AFF3: variants seen among roughly 807,000 people sequenced by gnomAD.
The protein encoded by AFF3 is AF4/FMR2 family member 3.
AFF3 carries 32 observed loss-of-function variants against 129.7 expected under a neutral mutation model. The observed-to-expected ratio is 0.25, with a 90% confidence interval of 0.19 to 0.33. The LOEUF is 0.33. Among genes scored for constraint, AFF3 ranks in the 10% least tolerant of loss-of-function variants. The pLI is 1.00. For missense variants in AFF3, 1,373 were observed against 1,592.0 expected (o/e 0.86, Z 2.34); for synonymous variants, 644 against 635.4 (o/e 1.01, Z -0.20).
intron 7 of AFF3, among the ~76,000 whole-genome samples, chr2:100,005,907 A>G (rs1681930165): frequency 6.6e-6 from 1 of 152,240 alleles, no homozygotes; most frequent in African/African-American, 2.4e-5. Context: ...TGTTAAAAAG[A>G]GAAAAAACTG....
intron 17 of AFF3, among the ~76,000 whole-genome samples, chr2:99,578,808 G>C (rs1208775711): frequency 6.6e-6 from 1 of 152,216 alleles, no homozygotes; most frequent in Non-Finnish European, 1.5e-5. Context: ...CAGTCCGCTA[G>C]ACTGGAGGCT....
At chr2:99,975,449 A>G (rs1331018052) in intron 7 of AFF3, among the ~76,000 whole-genome samples, 1 of 152,222 alleles carries the variant, frequency 6.6e-6, no homozygotes, top group Non-Finnish European at 1.5e-5. Flanking sequence ...ATGGGTGCCA[A>G]CATTCTATGT....
chr2:99,613,816 T>A (rs1681163542), intron 13 of AFF3, among the ~76,000 whole-genome samples: 1 of 152,246 alleles, frequency 6.6e-6, no homozygotes, highest in Admixed American at 6.5e-5. Flanking sequence ...CAGGCGATCA[T>A]CCTTGTTATG....
At chr2:99,785,699 T>C (rs908078374) in intron 8 of AFF3, among the ~76,000 whole-genome samples, 6 of 152,226 alleles carry the variant, frequency 3.9e-5, no homozygotes, top group Admixed American at 2.0e-4. Flanking sequence ...ACTTTTCACA[T>C]ACACTCAAGA....
chr2:100,082,765 A>G (rs1477242776), intron 4 of AFF3, among the ~76,000 whole-genome samples: 1 of 152,190 alleles, frequency 6.6e-6, no homozygotes, highest in Non-Finnish European at 1.5e-5. Context: ...CCCTTGGGAC[A>G]TAGTGTGATA....
At chr2:100,081,087 C>G (rs1356286893) in intron 4 of AFF3, among the ~76,000 whole-genome samples, 2 of 151,868 alleles carry the variant, frequency 1.3e-5, no homozygotes, top group African/African-American at 4.8e-5. Flanking sequence ...GCCCACAGTC[C>G]ACAAGTGGAA....
intron 4 of AFF3, among the ~76,000 whole-genome samples, chr2:100,059,885 AAC>A (rs1687116582): frequency 6.6e-6 from 1 of 152,220 alleles, no homozygotes; most frequent in African/African-American, 2.4e-5. Flanking sequence ...TCTGGCATGA[AAC>A]ACAGCAGGAT....
At chr2:99,563,470 G>A (rs756082704) in intron 20 of AFF3, among the ~76,000 whole-genome samples, 7 of 151,394 alleles carry the variant, frequency 4.6e-5, no homozygotes, top group South Asian at 2.1e-4. Context: ...GATTACAGGC[G>A]TGAGCCACCG....
In AFF3 at chr2:99,554,471, C is replaced by T. The variant is rs371101321; in HGVS notation, c.3399G>A (p.Gln1133=). Residue 1133 remains glutamine (Q), a synonymous_variant, in exon 24 of 25, where the codon CAG becomes CAA. Transcript: ENST00000672756. Reference sequence around the variant, plus strand: ...GGGCGCTGGCGTTGGAGAGGCTGCCCTGAGACCCCACGGAGCTGGCGGGAG... The same window carrying T: ...GGGCGCTGGCGTTGGAGAGGCTGCCTTGAGACCCCACGGAGCTGGCGGGAG... The part of the protein sequence containing the change: ...NPSPASSVGS[Q]GSLSNASALS... 4.3e-6 allele frequency: 7 copies of T among 1,613,904 alleles called. No individual in the cohort carries two copies. The highest frequency in any genetic ancestry group is 5.9e-6 in the Non-Finnish European group (7 of 1,180,034).
intron 10 of AFF3, among the ~76,000 whole-genome samples, chr2:99,735,415 GTTTTGGGTTTA>G (rs1273359550): frequency 6.7e-6 from 1 of 149,848 alleles, no homozygotes. Flanking sequence ...TTTTCCATTT[GTTTTGGGTTTA>G]TTTTCTCTTC....
chr2:100,115,612 A>G (rs1691704702), intron 2 of AFF3, among the ~76,000 whole-genome samples: 1 of 152,112 alleles, frequency 6.6e-6, no homozygotes, highest in Non-Finnish European at 1.5e-5. Flanking sequence ...GGTATTCCTT[A>G]TTTGTTCATC....
intron 12 of AFF3, among the ~76,000 whole-genome samples, chr2:99,658,353 A>C (rs1297885641): frequency 6.6e-6 from 1 of 152,006 alleles, no homozygotes; most frequent in Non-Finnish European, 1.5e-5. Flanking sequence ...CTGAAGTGGG[A>C]GGATGATGGC....
intron 7 of AFF3, among the ~76,000 whole-genome samples, chr2:99,878,459 TC>T (rs1576257390): frequency 6.6e-6 from 1 of 152,296 alleles, no homozygotes; most frequent in Admixed American, 6.5e-5. Flanking sequence ...CCCAGAGCCT[TC>T]CAAATTAACT....
At chr2:100,132,778 A>G (rs1692474751) in intron 1 of AFF3, among the ~76,000 whole-genome samples, 1 of 152,142 alleles carries the variant, frequency 6.6e-6, no homozygotes, top group African/African-American at 2.4e-5. Context: ...TCCTGTTTTT[A>G]TATTGATTAC....
chr2:99,693,292 T>C (rs924840298), intron 11 of AFF3, among the ~76,000 whole-genome samples: 2 of 152,230 alleles, frequency 1.3e-5, no homozygotes, highest in South Asian at 2.1e-4. Context: ...ATTTTAAATG[T>C]GACTGTACAA....
intron 7 of AFF3, among the ~76,000 whole-genome samples, chr2:99,845,532 C>T (rs1468868717): frequency 6.6e-6 from 1 of 152,164 alleles, no homozygotes; most frequent in Admixed American, 6.5e-5. Context: ...AAAAGTACCA[C>T]AGTACTGTCT....
At chr2:99,711,433 T>C (rs1677881765) in intron 11 of AFF3, among the ~76,000 whole-genome samples, 1 of 152,120 alleles carries the variant, frequency 6.6e-6, no homozygotes, top group African/African-American at 2.4e-5. Context: ...TGGTACAAAA[T>C]AGGCATCTAA....
At chr2:99,900,742 T>C (rs1283184347) in intron 7 of AFF3, among the ~76,000 whole-genome samples, 1 of 152,112 alleles carries the variant, frequency 6.6e-6, no homozygotes, top group Non-Finnish European at 1.5e-5. Context: ...ATGTTGGCAA[T>C]GTGGTTCTAG....
At chr2:100,068,846 T>G in intron 4 of AFF3, among the ~76,000 whole-genome samples, 1 of 152,214 alleles carries the variant, frequency 6.6e-6, no homozygotes, top group East Asian at 1.9e-4. Context: ...AAGGTCCCCA[T>G]GACAGTCACT....
Sources: allele counts gnomAD v4.1 joint callset (sites outside exome capture counted in the v4.1 genomes callset), GRCh38; gene constraint gnomAD v4.1.1; transcripts MANE v1.5; gene names NCBI Gene and HGNC (gene_info 2026-07-23, HGNC 2026-07-21).